SGTA: variants seen among roughly 807,000 people sequenced by gnomAD.
SGTA encodes the protein small glutamine-rich tetratricopeptide repeat-containing protein alpha.
A neutral mutation model predicts 44.3 loss-of-function variants in SGTA; 22 were observed. That is an observed-to-expected ratio of 0.50 (90% CI 0.36 to 0.71). The LOEUF is 0.71. SGTA is among the 30% of genes least tolerant of loss of function. The pLI is 0.00. For synonymous variants in SGTA, 174 were observed against 177.6 expected (o/e 0.98, Z 0.16); for missense variants, 341 against 435.9 (o/e 0.78, Z 1.94).
In SGTA at chr19:2,767,030, C is replaced by T. The variant is rs1915162017; in HGVS notation, c.292+106G>A. On this transcript the variant is annotated intron_variant, in intron 4 of 11. Coordinates refer to ENST00000221566, the MANE Select transcript of SGTA (RefSeq NM_003021.4). The surrounding 1 kb of genome is among the most constrained non-coding windows in gnomAD (Gnocchi z 7.3). ...CAGCGTGCTGGTCATCAGGGCAATTCCCTCAGCTCCCTGGGCCCCAGGGAC... is the reference window on the plus strand; with the variant it reads ...CAGCGTGCTGGTCATCAGGGCAATTTCCTCAGCTCCCTGGGCCCCAGGGAC... 2.4e-6 allele frequency: 2 copies of T among 825,272 alleles called. No individual in the cohort carries two copies. Among genetic ancestry groups the T allele is most frequent in the Admixed American group, 2.0e-5 (1 of 49,532 alleles). 51.1% of individuals were successfully genotyped at this position (825,272 alleles called of 1,614,324 possible). A position where few individuals can be genotyped will look rare whatever the true frequency, so the allele number is the denominator to read the frequency against.
At chr19:2,764,407 A>AT (rs1915082621) in intron 5 of SGTA, among the ~76,000 whole-genome samples, 2 of 152,146 alleles carry the variant, frequency 1.3e-5, no homozygotes, top group African/African-American at 4.8e-5. Flanking sequence ...TTATGTATTT[A>AT]TTATTTTTGA....
intron 1 of SGTA, among the ~76,000 whole-genome samples, chr19:2,781,727 A>C (rs1915578814): frequency 1.3e-5 from 2 of 152,188 alleles, no homozygotes; most frequent in South Asian, 4.1e-4. Flanking sequence ...TAAACTCCAA[A>C]GTACCCATTT....
intron 4 of SGTA, among the ~76,000 whole-genome samples, chr19:2,766,440 A>AT (rs1008641007): frequency 1.3e-5 from 2 of 149,608 alleles, no homozygotes; most frequent in Admixed American, 6.7e-5. Flanking sequence ...TTTATTTTTT[A>AT]TTTTTTTTTG....
chr19:2,770,714 T>C (rs1305951439), intron 1 of SGTA: 2 of 152,712 alleles, frequency 1.3e-5, no homozygotes, highest in Admixed American at 6.5e-5. Flanking sequence ...GGATTGAACA[T>C]GGCCGCACGG....
At chr19:2,759,462 CCCCA>C in intron 8 of SGTA, 168 bp from the exon 9 acceptor site, 1 of 625,054 alleles carries the variant, frequency 1.6e-6, no homozygotes, top group Non-Finnish European at 2.9e-6. Context: ...ATTTTCGCCC[CCCCA>C]CCCACGAGCT....
intron 9 of SGTA, 27 bp from the exon 10 acceptor site, chr19:2,757,809 G>A: frequency 2.7e-6 from 4 of 1,491,266 alleles, no homozygotes; most frequent in Non-Finnish European, 3.6e-6. Flanking sequence ...GTGACTCGCA[G>A]CCGGGACAGC....
Position 2,767,829 on chromosome 19 carries a change from G to C in SGTA, c.101-143C>G. 1.5e-6 allele frequency: 1 copy of C among 669,972 alleles called. No homozygotes were observed. Among genetic ancestry groups the C allele is most frequent in the Non-Finnish European group, 2.7e-6 (1 of 372,006 alleles). 41.5% of individuals were successfully genotyped at this position (669,972 alleles called of 1,614,324 possible). A position where few individuals can be genotyped will look rare whatever the true frequency, so the allele number is the denominator to read the frequency against. On this transcript the variant is annotated intron_variant, in intron 2 of 11. Coordinates refer to ENST00000221566, the MANE Select transcript of SGTA (RefSeq NM_003021.4). The surrounding 1 kb of genome is among the most constrained non-coding windows in gnomAD (Gnocchi z 7.3). Reference sequence around the variant, plus strand: ...CCAGAACGCAGGGGCCGCCGCCTGTGCTCTGGGCTGGGACAGTGGACCCTC... The same window carrying C: ...CCAGAACGCAGGGGCCGCCGCCTGTCCTCTGGGCTGGGACAGTGGACCCTC...
Position 2,755,908 on chromosome 19 carries a change from G to A in SGTA, c.*32C>T. The A allele has an allele frequency of 1.0e-6, 1 of 985,892 alleles. No homozygotes were observed. The highest frequency in any genetic ancestry group is 1.2e-6 in the Non-Finnish European group (1 of 830,212). The allele number at this position is 985,892 out of a possible 1,614,324, so 61.1% of individuals were successfully genotyped here. A position where few individuals can be genotyped will look rare whatever the true frequency, so the allele number is the denominator to read the frequency against. On this transcript the variant is annotated 3_prime_UTR_variant, in exon 12 of 12. Transcript: ENST00000221566. The surrounding 1 kb of genome is among the most constrained non-coding windows in gnomAD (Gnocchi z 5.2). Reference sequence around the variant, plus strand: ...GAAGGCTTCCTTCGGGTCGGCCAGGGAAGGACGCGGTCACACCGGGAGCAG... The same window carrying A: ...GAAGGCTTCCTTCGGGTCGGCCAGGAAAGGACGCGGTCACACCGGGAGCAG...
Position 2,767,334 on chromosome 19 carries a change from GC to G in SGTA, c.208-115del. 2 of 832,996 alleles carry G rather than the reference GC, an allele frequency of 2.4e-6. No individual in the cohort carries two copies. Among genetic ancestry groups the G allele is most frequent in the South Asian group, 3.3e-5 (2 of 61,380 alleles). 51.6% of individuals were successfully genotyped at this position (832,996 alleles called of 1,614,324 possible). ...CCACCAAGTTCCGAAGGACCCGGGGGCTCTGCAGGGGACTCCTGGCCCCCCA... is the reference window on the plus strand; with the variant it reads ...CCACCAAGTTCCGAAGGACCCGGGGGTCTGCAGGGGACTCCTGGCCCCCCA... On this transcript the variant is annotated intron_variant, in intron 3 of 11. Coordinates refer to ENST00000221566, the MANE Select transcript of SGTA (RefSeq NM_003021.4). The surrounding 1 kb of genome is among the most constrained non-coding windows in gnomAD (Gnocchi z 7.3).
intron 1 of SGTA, among the ~76,000 whole-genome samples, chr19:2,782,331 C>T (rs879376708): frequency 1.3e-5 from 2 of 152,140 alleles, no homozygotes; most frequent in East Asian, 1.9e-4. Flanking sequence ...TAATCAGAGA[C>T]AGAAACAAAA....
Position 2,765,116 on chromosome 19 carries a change from C to T in SGTA, c.392+70G>A. The T allele has an allele frequency of 2.8e-6, 3 of 1,067,196 alleles. No individual in the cohort carries two copies. The highest frequency in any genetic ancestry group is 2.5e-5 in the South Asian group (2 of 79,336). 66.1% of individuals were successfully genotyped at this position (1,067,196 alleles called of 1,614,324 possible). ...GCAGAGGCCTCTCCCATCTCAGGTCCCTGCTAAGCATCCCGGAGGACGCCC... is the reference window on the plus strand; with the variant it reads ...GCAGAGGCCTCTCCCATCTCAGGTCTCTGCTAAGCATCCCGGAGGACGCCC... On this transcript the variant is annotated intron_variant, in intron 5 of 11. Transcript: ENST00000221566. The surrounding 1 kb of genome is among the most constrained non-coding windows in gnomAD (Gnocchi z 5.5).
intron 11 of SGTA, among the ~76,000 whole-genome samples, chr19:2,756,685 G>A (rs1914826838): frequency 6.6e-6 from 1 of 151,830 alleles, no homozygotes; most frequent in Non-Finnish European, 1.5e-5. Flanking sequence ...ACTGAACTCA[G>A]GGGAGCCTCC....
chr19:2,771,586 G>GA (rs1164718307), intron 1 of SGTA, among the ~76,000 whole-genome samples: 2 of 151,494 alleles, frequency 1.3e-5, no homozygotes, highest in South Asian at 2.1e-4. Context: ...GGGGGGGGGG[G>GA]GAGGGGTACG....
At position 2,761,385 on chromosome 19, in the gene SGTA, A is replaced by G; in HGVS notation, c.699+75T>C. 1 of 1,309,694 alleles carries G rather than the reference A, an allele frequency of 7.6e-7. No individual in the cohort carries two copies. The highest frequency in any genetic ancestry group is 1.1e-6 in the Non-Finnish European group (1 of 930,304). 81.1% of individuals were successfully genotyped at this position (1,309,694 alleles called of 1,614,324 possible). A position where few individuals can be genotyped will look rare whatever the true frequency, so the allele number is the denominator to read the frequency against. ...GTGCCAAGGCAAGGAAGCCCTGGCC[A>G]GTAGCGGACACAGCAGATGCGGGCC... On this transcript the variant is annotated intron_variant, in intron 8 of 11. Transcript: ENST00000221566. This position sits in a 1 kb window ranked among gnomAD's most constrained non-coding sequence, Gnocchi z 5.7.
chr19:2,776,467 C>G (rs1019390149), intron 1 of SGTA, among the ~76,000 whole-genome samples: 2 of 152,194 alleles, frequency 1.3e-5, no homozygotes, highest in African/African-American at 2.4e-5. Context: ...ACCTGTGTGA[C>G]TCCCCTCCTA....
intron 1 of SGTA, among the ~76,000 whole-genome samples, chr19:2,779,292 A>G (rs1265110391): frequency 6.6e-6 from 1 of 152,138 alleles, no homozygotes; most frequent in Non-Finnish European, 1.5e-5. Flanking sequence ...AACTAAGGGA[A>G]GCACAGGCCC....
rs1914868250 is a variant in SGTA, at chr19:2,757,752, G to A, written c.768C>T (p.Asn256=). 4 of 1,604,596 alleles carry A rather than the reference G, an allele frequency of 2.5e-6. No homozygotes were observed. The highest frequency in any genetic ancestry group is 3.4e-6 in the Non-Finnish European group (4 of 1,176,032). The change falls in exon 10 of 12, where the codon AAC becomes AAT. Residue 256 remains asparagine, a synonymous_variant. Transcript: ENST00000221566. ...LMSGMISGGN[N]PLGTPGTSPS... ...GGCTGGTGCCGGGAGTTCCCAAGGGGTTGTTGCCACCCGAAATCATGCCGG... is the reference window on the plus strand; with the variant it reads ...GGCTGGTGCCGGGAGTTCCCAAGGGATTGTTGCCACCCGAAATCATGCCGG...
chr19:2,774,005 C>T (rs920510708), intron 1 of SGTA, among the ~76,000 whole-genome samples: 5 of 151,916 alleles, frequency 3.3e-5, no homozygotes, highest in Non-Finnish European at 7.4e-5. Flanking sequence ...ATGGGTGACG[C>T]GGCCACACGG....
rs546861351 is a variant in SGTA at position 2,756,587 on chromosome 19, G to A, written c.*7-654C>T. Among the ~76,000 whole-genome samples, 260 of 152,264 alleles carry A rather than the reference G, an allele frequency of 1.7e-3. 2 individuals are homozygous for A. Among genetic ancestry groups the A allele is most frequent in the South Asian group, 7.0e-3 (34 of 4,830 alleles). ...GGAGGGGACAACGACAAAATGAAGA[G>A]GCCACATGGGAGCAGAATGGAAACA... On this transcript the variant is annotated intron_variant, in intron 11 of 11. Transcript: ENST00000221566.
Sources: gnomAD v4.1 joint callset for allele counts (sites outside exome capture counted in the v4.1 genomes callset) on GRCh38, gnomAD v4.1.1 for gene constraint, Gnocchi (gnomAD v3.1) non-coding constraint, MANE v1.5 for transcripts, NCBI Gene and HGNC (gene_info 2026-07-23, HGNC 2026-07-21) for gene names.